The following DUSP16 variants were observed in gnomAD, a reference collection of about 807,000 sequenced individuals.
DUSP16 encodes the protein dual specificity phosphatase 16.
In DUSP16, 21 loss-of-function variants were observed where a neutral mutation model predicts 58.3. The ratio of observed to expected loss-of-function variants is 0.36; its 90% confidence interval spans 0.26 to 0.52. DUSP16 has a LOEUF of 0.52. Ranked by LOEUF, DUSP16 falls within the 20% of genes least tolerant of loss-of-function variation. DUSP16 has a pLI of 0.94. For missense variants in DUSP16, 726 were observed against 819.0 expected, an observed-to-expected ratio of 0.89 and a Z score of 1.39; for synonymous variants, 320 against 323.8, an observed-to-expected ratio of 0.99 and a Z score of 0.12.
intron 3 of DUSP16, among the ~76,000 whole-genome samples, chr12:12,504,739 T>C (rs915723772): frequency 1.6e-4 from 23 of 146,068 alleles, no homozygotes; most frequent in African/African-American, 5.8e-4. Context: ...TAGCCAGGCA[T>C]GGTGGAGTAT....
intron 1 of DUSP16, among the ~76,000 whole-genome samples, chr12:12,559,632 T>C (rs1944865148): frequency 6.6e-6 from 1 of 152,176 alleles, no homozygotes; most frequent in Non-Finnish European, 1.5e-5. Context: ...GCAAATTATA[T>C]TTAGTAGGAT....
intron 1 of DUSP16, among the ~76,000 whole-genome samples, chr12:12,523,194 C>T (rs1944259656): frequency 6.6e-6 from 1 of 152,194 alleles, no homozygotes; most frequent in Non-Finnish European, 1.5e-5. Flanking sequence ...ACCACAGTTT[C>T]TTCACCTACA....
chr12:12,493,183 C>T (rs1219109218), intron 4 of DUSP16, among the ~76,000 whole-genome samples: 2 of 152,186 alleles, frequency 1.3e-5, no homozygotes, highest in African/African-American at 4.8e-5. Context: ...GCATTTCGAA[C>T]TCAGCGTGTC....
In DUSP16 at chr12:12,476,726, T is replaced by A; in HGVS notation, c.*107A>T. 1 of 1,070,618 alleles carries A rather than the reference T, an allele frequency of 9.3e-7. No homozygotes were observed. The allele number at this position is 1,070,618 out of a possible 1,614,324, so 66.3% of individuals were successfully genotyped here. ...GTTGCTTTTACACCATAGCTCCATT[T>A]TCCAAAAATATATATGTATGTACAT... On this transcript the variant is annotated 3_prime_UTR_variant, in exon 7 of 7. Coordinates refer to ENST00000298573, the MANE Select transcript of DUSP16 (RefSeq NM_030640.3).
intron 1 of DUSP16, among the ~76,000 whole-genome samples, chr12:12,543,779 C>A (rs1944599650): frequency 6.6e-6 from 1 of 151,982 alleles, no homozygotes; most frequent in Non-Finnish European, 1.5e-5. Context: ...CAATAAAAAA[C>A]TCAAGAAGCC....
At position 12,477,826 on chromosome 12, in the gene DUSP16, C is replaced by T. The variant is rs777848642; in HGVS notation, c.1005G>A (p.Thr335=). The T allele has an allele frequency of 9.9e-6, 16 of 1,614,016 alleles. No individual in the cohort carries two copies. The highest frequency in any genetic ancestry group is 1.3e-5 in the African/African-American group (1 of 75,026). ...AGTCGGCACAGGGTGGACTGAGGGG[C>T]GTCTCGCTTTTCTGTCCACCCTCTG... ...AVSEGGQKSE[T]PLSPPCADSA... The change falls in exon 7 of 7, where the codon ACG becomes ACA. Residue 335 remains threonine (T), a synonymous_variant. Coordinates refer to ENST00000298573, the MANE Select transcript of DUSP16 (RefSeq NM_030640.3). The surrounding 1 kb of genome is among the most constrained non-coding windows in gnomAD (Gnocchi z 4.1).
At chr12:12,526,793 T>C (rs1449860662) in intron 1 of DUSP16, among the ~76,000 whole-genome samples, 2 of 152,176 alleles carry the variant, frequency 1.3e-5, no homozygotes, top group African/African-American at 2.4e-5. Context: ...AAAAAAGTGA[T>C]AATCGCTCAC....
At chr12:12,553,528 A>G (rs1485188142) in intron 1 of DUSP16, among the ~76,000 whole-genome samples, 6 of 152,202 alleles carry the variant, frequency 3.9e-5, no homozygotes. Flanking sequence ...AGCATTTTAA[A>G]CACTTCTTAT....
chr12:12,550,021 G>T (rs994982341), intron 1 of DUSP16, among the ~76,000 whole-genome samples: 3 of 152,142 alleles, frequency 2.0e-5, no homozygotes, highest in African/African-American at 7.2e-5. Flanking sequence ...ACCAGGCGCA[G>T]TGGCACTCTG....
chr12:12,477,650 T>C lies in DUSP16; in HGVS notation c.1181A>G (p.Asn394Ser), dbSNP rs529933489. ...CAGAGAGAAGGAACGCTTGAGCTTATTGCTGTCTTCCAGCCTGTCTGCGGA... is the reference window on the plus strand; with the variant it reads ...CAGAGAGAAGGAACGCTTGAGCTTACTGCTGTCTTCCAGCCTGTCTGCGGA... ...HLSADRLEDS[N>S]KLKRSFSLDI... The change falls in exon 7 of 7, where the codon AAT becomes AGT. Residue 394 changes from asparagine to serine, a missense_variant. Coordinates refer to ENST00000298573, the MANE Select transcript of DUSP16 (RefSeq NM_030640.3). This position sits in a 1 kb window ranked among gnomAD's most constrained non-coding sequence, Gnocchi z 4.1. 15 of 1,614,128 alleles carry C rather than the reference T, an allele frequency of 9.3e-6. No individual in the cohort carries two copies. Among genetic ancestry groups the C allele is most frequent in the Non-Finnish European group, 1.1e-5 (13 of 1,180,056 alleles).
intron 5 of DUSP16, among the ~76,000 whole-genome samples, chr12:12,482,836 T>G (rs1158070234): frequency 1.3e-5 from 2 of 152,146 alleles, no homozygotes; most frequent in Non-Finnish European, 1.5e-5. Context: ...TGCCTCAGCC[T>G]CCCAGCTAGG....
At chr12:12,486,352 C>G (rs901339028) in intron 5 of DUSP16, among the ~76,000 whole-genome samples, 7 of 152,046 alleles carry the variant, frequency 4.6e-5, no homozygotes, top group Admixed American at 4.6e-4. Flanking sequence ...CCTGTGGCAC[C>G]AAAATGCCTC....
intron 3 of DUSP16, among the ~76,000 whole-genome samples, chr12:12,503,659 G>A (rs1045124190): frequency 6.6e-6 from 1 of 152,148 alleles, no homozygotes; most frequent in African/African-American, 2.4e-5. Flanking sequence ...GAGCACTGGC[G>A]TCCTGCAAGA....
chr12:12,480,131 G>A, intron 6 of DUSP16, 92 bp downstream of exon 6: 2 of 1,480,876 alleles, frequency 1.4e-6, no homozygotes, highest in South Asian at 1.3e-5. Flanking sequence ...AAATAATCAT[G>A]ATCTGCTTTA....
At chr12:12,482,266 CAA>C (rs1193280790) in intron 5 of DUSP16, among the ~76,000 whole-genome samples, 2 of 152,080 alleles carry the variant, frequency 1.3e-5, no homozygotes, top group African/African-American at 2.4e-5. Context: ...TACATATTTT[CAA>C]AAGAGATTTT....
chr12:12,504,191 A>G (rs969599968), intron 3 of DUSP16, among the ~76,000 whole-genome samples: 18 of 152,354 alleles, frequency 1.2e-4, no homozygotes, highest in Admixed American at 9.8e-4. Flanking sequence ...AACAACTGTC[A>G]GGCACTATTT....
At chr12:12,550,282 A>C (rs1944706589) in intron 1 of DUSP16, among the ~76,000 whole-genome samples, 1 of 151,468 alleles carries the variant, frequency 6.6e-6, no homozygotes, top group Non-Finnish European at 1.5e-5. Flanking sequence ...CAAAAAAAAA[A>C]AAAAAAATGT....
rs561582834 is a variant in DUSP16, at chr12:12,493,303, T to C, written c.532-6116A>G. On this transcript the variant is annotated intron_variant, in intron 4 of 6. Coordinates refer to ENST00000298573, the MANE Select transcript of DUSP16 (RefSeq NM_030640.3). The stretch of plus-strand genomic sequence containing the variant: ...CACACACCCCTACCATCCAATCCTA[T>C]TGGCTATACCTTCAATATAGAGCCC... 1.2e-4 allele frequency among the ~76,000 whole-genome samples: 18 copies of C among 152,306 alleles called. No homozygotes were observed. The South Asian group carries it at 3.5e-3, about 30-fold the overall frequency.
At chr12:12,521,500 G>A in intron 1 of DUSP16, 37 bp from the exon 2 acceptor site, 1 of 969,564 alleles carries the variant, frequency 1.0e-6, no homozygotes. Flanking sequence ...CAAAACGTGA[G>A]GTCAAAAAAA....
Sources: allele counts gnomAD v4.1 joint callset (sites outside exome capture counted in the v4.1 genomes callset), GRCh38; gene constraint gnomAD v4.1.1; non-coding constraint Gnocchi (gnomAD v3.1); transcripts MANE v1.5; gene names NCBI Gene and HGNC (gene_info 2026-07-23, HGNC 2026-07-21).